The following NAV1 variants were observed in gnomAD, a reference collection of about 807,000 sequenced individuals.
The protein encoded by NAV1 is neuron navigator 1.
NAV1 carries 18 observed loss-of-function variants against 175.2 expected under a neutral mutation model. The observed-to-expected ratio is 0.10, with a 90% CI of 0.07 to 0.15. The LOEUF (loss-of-function observed/expected upper bound fraction) is 0.15, where lower values mean the gene tolerates loss of function less well. Among genes scored for constraint, NAV1 ranks in the 10% least tolerant of loss-of-function variants. The pLI is 1.00. For synonymous variants in NAV1, 897 were observed against 978.7 expected (o/e 0.92, Z 1.56); for missense variants, 1,731 against 2,436.6 (o/e 0.71, Z 6.10).
intron 1 of NAV1, among the ~76,000 whole-genome samples, chr1:201,665,590 A>ACCCCCCCCCCCCCCCCC (rs3053790): frequency 7.8e-6 from 1 of 128,528 alleles, no homozygotes; most frequent in Admixed American, 8.0e-5. Context: ...AGAGCACCCC[A>ACCCCCCCCCCCCCCCCC]CCCCCCCCAC....
intron 2 of NAV1, among the ~76,000 whole-genome samples, chr1:201,598,821 C>A (rs962806334): frequency 4.6e-5 from 7 of 152,104 alleles, no homozygotes; most frequent in Non-Finnish European, 2.9e-5. Flanking sequence ...ATGAGGAACC[C>A]GAGTCTTCAG....
intron 3 of NAV1, among the ~76,000 whole-genome samples, chr1:201,772,632 A>T (rs12057877): frequency 0.028 from 4,337 of 152,258 alleles, 211 homozygotes; most frequent in African/African-American, 0.099. Flanking sequence ...TACCTCTGTC[A>T]TGGATTTATT....
At chr1:201,753,155 C>T (rs1674238375) in intron 3 of NAV1, among the ~76,000 whole-genome samples, 1 of 152,134 alleles carries the variant, frequency 6.6e-6, no homozygotes, top group Non-Finnish European at 1.5e-5. Flanking sequence ...GAAGAGCATT[C>T]ACATATCTTA....
At chr1:201,603,320 A>T (rs764119050) in intron 2 of NAV1, among the ~76,000 whole-genome samples, 1 of 152,148 alleles carries the variant, frequency 6.6e-6, no homozygotes, top group Admixed American at 6.5e-5. Flanking sequence ...TATCTCTTCT[A>T]TGACTTGGTG....
intron 2 of NAV1, among the ~76,000 whole-genome samples, chr1:201,635,472 TGTGCAGTG>T (rs1410737303): frequency 6.6e-6 from 1 of 152,204 alleles, no homozygotes; most frequent in Non-Finnish European, 1.5e-5. Context: ...AGCCTAGAGC[TGTGCAGTG>T]TACAACCTGT....
chr1:201,782,267 C>T lies in NAV1; in HGVS notation c.1755C>T (p.Arg585=). The change falls in exon 6 of 30, where the codon CGC becomes CGT. Residue 585 remains arginine, a synonymous_variant. Transcript: ENST00000367296. This position sits in a 1 kb window ranked among gnomAD's most constrained non-coding sequence, Gnocchi z 5.4. ...CCTCCTCTGATGCTGGTCGGGACCGCCTGAGTGATGCTAAGAAGCCCCCCT... is the reference window on the plus strand; with the variant it reads ...CCTCCTCTGATGCTGGTCGGGACCGTCTGAGTGATGCTAAGAAGCCCCCCT... 2 of 1,614,196 alleles carry T rather than the reference C, an allele frequency of 1.2e-6. No homozygotes were observed. Among genetic ancestry groups the T allele is most frequent in the Non-Finnish European group, 1.7e-6 (2 of 1,180,040 alleles).
chr1:201,642,325 G>A (rs1278948889), intron 2 of NAV1, among the ~76,000 whole-genome samples: 1 of 151,618 alleles, frequency 6.6e-6, no homozygotes, highest in African/African-American at 2.4e-5. Context: ...CCATTCTCCT[G>A]CCTCAGCCTC....
chr1:201,628,528 G>T (rs937598153), intron 1 of NAV1, among the ~76,000 whole-genome samples: 1 of 152,114 alleles, frequency 6.6e-6, no homozygotes, highest in Non-Finnish European at 1.5e-5. Flanking sequence ...TGGAGAGAGA[G>T]AAAGACAAAT....
exon 1 of NAV1, chr1:201,648,598 G>T: frequency 8.0e-7 from 1 of 1,246,630 alleles, no homozygotes; most frequent in East Asian, 3.2e-5. Context: ...CTCCTCCTGC[G>T]CTCCCGCCCC....
At chr1:201,771,520 A>C (rs890633530) in intron 3 of NAV1, among the ~76,000 whole-genome samples, 1 of 151,838 alleles carries the variant, frequency 6.6e-6, no homozygotes, top group African/African-American at 2.4e-5. Flanking sequence ...AAAAAAAAAA[A>C]AACTGGTGAA....
At chr1:201,548,037 C>T (rs560063479) in intron 1 of NAV1, among the ~76,000 whole-genome samples, 1 of 152,264 alleles carries the variant, frequency 6.6e-6, no homozygotes, top group South Asian at 2.1e-4. Context: ...TGTGATCTAC[C>T]CACCTCGCCC....
chr1:201,640,198 A>G lies in NAV1; in HGVS notation c.5-8436A>G, dbSNP rs565519553. The stretch of plus-strand genomic sequence containing the variant: ...CACCTGATCTGTAGCCCAGAGGAAA[A>G]ATCCCCAACCACTGAACTCAGGGAG... On this transcript the variant is annotated intron_variant, in intron 2 of 29. Transcript: ENST00000367302. Among the ~76,000 whole-genome samples the G allele has an allele frequency of 6.6e-5, 10 of 152,308 alleles. No homozygotes were observed. In the South Asian group the frequency reaches 1.7e-3, roughly 25 times the overall value.
intron 1 of NAV1, among the ~76,000 whole-genome samples, chr1:201,701,009 C>CAAAAAAAA (rs386369321): frequency 4.6e-4 from 24 of 52,678 alleles, no homozygotes; most frequent in African/African-American, 8.8e-4. Flanking sequence ...GACTCTGTCT[C>CAAAAAAAA]AAAAAAAAAA....
At chr1:201,632,088 CA>C (rs964467929) in intron 2 of NAV1, among the ~76,000 whole-genome samples, 73 of 152,176 alleles carry the variant, frequency 4.8e-4, no homozygotes, top group African/African-American at 1.7e-3. Flanking sequence ...CTCTGTCTTC[CA>C]AGCTCACTGA....
chr1:201,565,824 G>C (rs957779594), intron 1 of NAV1, among the ~76,000 whole-genome samples: 3 of 152,162 alleles, frequency 2.0e-5, no homozygotes, highest in African/African-American at 7.2e-5. Flanking sequence ...TGACCTCCCA[G>C]GGGCCTTGTG....
intron 1 of NAV1, among the ~76,000 whole-genome samples, chr1:201,542,414 A>ATAATAATTAAAATAATT (rs1171615536): frequency 6.6e-6 from 1 of 152,170 alleles, no homozygotes; most frequent in Non-Finnish European, 1.5e-5. Context: ...AGTCACACAC[A>ATAATAATTAAAATAATT]AAAAATAATA....
intron 2 of NAV1, among the ~76,000 whole-genome samples, chr1:201,608,805 G>T (rs1210955925): frequency 6.6e-6 from 1 of 152,196 alleles, no homozygotes; most frequent in Non-Finnish European, 1.5e-5. Context: ...CCCTCCGTGC[G>T]TGACTACCAC....
chr1:201,708,766 T>G (rs1225490939), intron 1 of NAV1, among the ~76,000 whole-genome samples: 1 of 152,086 alleles, frequency 6.6e-6, no homozygotes, highest in Non-Finnish European at 1.5e-5. Context: ...TGGGCTCTGT[T>G]TTGTCCCCAG....
intron 1 of NAV1, among the ~76,000 whole-genome samples, chr1:201,701,928 G>C (rs1027813988): frequency 6.6e-6 from 1 of 152,336 alleles, no homozygotes; most frequent in South Asian, 2.1e-4. Flanking sequence ...AGGCATGGAC[G>C]TGAATTTCAT....
Sources: allele counts gnomAD v4.1 joint callset (sites outside exome capture counted in the v4.1 genomes callset), GRCh38; gene constraint gnomAD v4.1.1; non-coding constraint Gnocchi (gnomAD v3.1); transcripts MANE v1.5; gene names NCBI Gene and HGNC (gene_info 2026-07-23, HGNC 2026-07-21).